MRAS: variants seen among roughly 807,000 people sequenced by gnomAD.
MRAS encodes the protein ras-related protein M-Ras.
Under a neutral mutation model 20.9 loss-of-function variants are expected in MRAS, and 4 were observed. That is an observed-to-expected ratio of 0.19 (90% CI 0.09 to 0.44). MRAS has a LOEUF of 0.44. Among genes scored for constraint, MRAS ranks in the 20% least tolerant of loss-of-function variants. MRAS has a pLI of 0.99. For synonymous variants in MRAS, 98 were observed against 102.9 expected (o/e 0.95, Z 0.29); for missense variants, 154 against 277.5 (o/e 0.56, Z 3.16).
At chr3:138,401,037 A>G (rs1410028840) in intron 5 of MRAS, among the ~76,000 whole-genome samples, 3 of 152,180 alleles carry the variant, frequency 2.0e-5, no homozygotes, top group Non-Finnish European at 4.4e-5. Flanking sequence ...TCTGATTCCA[A>G]GGTTCAAATT....
intron 1 of MRAS, among the ~76,000 whole-genome samples, chr3:138,372,410 C>T (rs1266107645): frequency 6.6e-6 from 1 of 152,190 alleles, no homozygotes; most frequent in Non-Finnish European, 1.5e-5. Flanking sequence ...GCTAAGCTAT[C>T]ATGGCCCCCT....
intron 1 of MRAS, among the ~76,000 whole-genome samples, chr3:138,357,221 G>A (rs1366317327): frequency 1.3e-5 from 2 of 150,118 alleles, no homozygotes; most frequent in African/African-American, 2.5e-5. Context: ...AGGTGGGGCC[G>A]CCCTTGCCCC....
In MRAS at chr3:138,403,690, TG is replaced by T. The variant is rs1425661164; in HGVS notation, c.*1425del. 1 of 152,602 alleles carries T rather than the reference TG, an allele frequency of 6.6e-6. No individual in the cohort carries two copies. The highest frequency in any genetic ancestry group is 1.5e-5 in the Non-Finnish European group (1 of 68,046). The allele number at this position is 152,602 out of a possible 1,614,324, so 9.5% of individuals were successfully genotyped here. On this transcript the variant is annotated 3_prime_UTR_variant, in exon 6 of 6. Coordinates refer to ENST00000423968, the MANE Select transcript of MRAS (RefSeq NM_001085049.3). Reference sequence around the variant, plus strand: ...AGCCAAAGACTGGAGTTTTTCCAGCTGGGGTGGGAGTGGAGAGACAACAGGA... The same window carrying T: ...AGCCAAAGACTGGAGTTTTTCCAGCTGGGTGGGAGTGGAGAGACAACAGGA...
intron 2 of MRAS, among the ~76,000 whole-genome samples, chr3:138,379,143 C>G (rs1195346689): frequency 3.3e-5 from 5 of 152,052 alleles, no homozygotes; most frequent in African/African-American, 1.2e-4. Context: ...CTTTGTATTT[C>G]TGTACCCATT....
At chr3:138,365,355 G>A (rs2054538203) in intron 1 of MRAS, among the ~76,000 whole-genome samples, 2 of 152,194 alleles carry the variant, frequency 1.3e-5, no homozygotes, top group South Asian at 4.2e-4. Context: ...CTGTTTGGGA[G>A]GTGCCCGAAT....
chr3:138,378,969 A>G (rs535693112), intron 2 of MRAS, among the ~76,000 whole-genome samples: 1 of 152,204 alleles, frequency 6.6e-6, no homozygotes, highest in African/African-American at 2.4e-5. Flanking sequence ...AGGGCATGGT[A>G]ATGATCAAAT....
chr3:138,367,826 G>T (rs971666944), intron 1 of MRAS, among the ~76,000 whole-genome samples: 3 of 152,236 alleles, frequency 2.0e-5, no homozygotes, highest in Non-Finnish European at 4.4e-5. Context: ...TTCAAACCAT[G>T]CAAGAAGGTT....
In MRAS at chr3:138,387,672, G is replaced by T. The variant is rs151210361; in HGVS notation, c.194-9652G>T. On this transcript the variant is annotated intron_variant, in intron 2 of 5. Transcript: ENST00000423968. ...TGCGCTGCCAGGCCCCCGTCTGTTG[G>T]TGTGATATTCCTGGGCTCTAGTTAC... Among the ~76,000 whole-genome samples, 53 of 152,260 alleles carry T rather than the reference G, an allele frequency of 3.5e-4. 1 individual carries two copies. The highest frequency in any genetic ancestry group is 1.1e-3 in the African/African-American group (45 of 41,542).
At chr3:138,391,282 TGA>T (rs2055127532) in intron 2 of MRAS, among the ~76,000 whole-genome samples, 1 of 152,248 alleles carries the variant, frequency 6.6e-6, no homozygotes, top group Admixed American at 6.5e-5. Context: ...TGGCCTTAAA[TGA>T]GAGGTTTTAT....
At chr3:138,352,642 G>A (rs1283926932) in intron 1 of MRAS, among the ~76,000 whole-genome samples, 1 of 152,140 alleles carries the variant, frequency 6.6e-6, no homozygotes, top group African/African-American at 2.4e-5. Flanking sequence ...TTGCTGAAGT[G>A]ACCTTCTGAG....
chr3:138,355,841 G>T (rs1250205232), intron 1 of MRAS, among the ~76,000 whole-genome samples: 1 of 152,244 alleles, frequency 6.6e-6, no homozygotes, highest in Non-Finnish European at 1.5e-5. Flanking sequence ...CAAGGCAGGA[G>T]AATTGCTTGA....
At chr3:138,400,463 C>T (rs981581693) in intron 4 of MRAS, 71 bp from the exon 5 acceptor site, 2 of 1,418,932 alleles carry the variant, frequency 1.4e-6, no homozygotes, top group Non-Finnish European at 2.0e-6. Context: ...AACCTCTGGG[C>T]ATTTTTAAGG....
intron 1 of MRAS, among the ~76,000 whole-genome samples, chr3:138,371,258 A>G (rs1175650464): frequency 1.3e-5 from 2 of 152,180 alleles, no homozygotes; most frequent in African/African-American, 4.8e-5. Flanking sequence ...GGCTTCAGTA[A>G]CTACAAAGGG....
intron 1 of MRAS, among the ~76,000 whole-genome samples, chr3:138,352,223 A>G (rs539064401): frequency 1.1e-3 from 162 of 152,302 alleles, no homozygotes; most frequent in African/African-American, 3.3e-3. Context: ...CATGCATTCA[A>G]TGGTGCCCCA....
At chr3:138,353,875 A>G (rs1385428250) in intron 1 of MRAS, among the ~76,000 whole-genome samples, 7 of 152,254 alleles carry the variant, frequency 4.6e-5, no homozygotes, top group African/African-American at 1.7e-4. Context: ...TCATAACCTG[A>G]GAGAAGCAGA....
At chr3:138,379,610 G>A (rs1474238280) in intron 2 of MRAS, among the ~76,000 whole-genome samples, 1 of 152,058 alleles carries the variant, frequency 6.6e-6, no homozygotes, top group Non-Finnish European at 1.5e-5. Flanking sequence ...TGCCCACCTC[G>A]GCCTCCCAAA....
intron 3 of MRAS, among the ~76,000 whole-genome samples, chr3:138,398,070 C>T (rs755765350): frequency 1.3e-5 from 2 of 152,142 alleles, no homozygotes; most frequent in African/African-American, 2.4e-5. Flanking sequence ...AAAATTTGGC[C>T]CATGTCAATA....
chr3:138,348,945 C>T (rs1210277370), intron 1 of MRAS, 178 bp downstream of exon 1: 1 of 152,184 alleles, frequency 6.6e-6, no homozygotes, highest in East Asian at 1.9e-4. Context: ...TCGCGGGCTC[C>T]CGCGTAACGG....
chr3:138,360,077 C>T (rs566902870), intron 1 of MRAS, among the ~76,000 whole-genome samples: 2 of 152,348 alleles, frequency 1.3e-5, no homozygotes, highest in African/African-American at 4.8e-5. Flanking sequence ...CCTGTTTGCA[C>T]AGGCCCCACT....
Sources: gnomAD v4.1 joint callset for allele counts (sites outside exome capture counted in the v4.1 genomes callset) on GRCh38, gnomAD v4.1.1 for gene constraint, MANE v1.5 for transcripts, NCBI Gene and HGNC (gene_info 2026-07-23, HGNC 2026-07-21) for gene names.